COPB1: variants seen among roughly 807,000 people sequenced by gnomAD.
COPB1 encodes the protein coatomer subunit beta.
A neutral mutation model predicts 108.7 loss-of-function variants in COPB1; 21 were observed. That is an observed-to-expected ratio of 0.19 (90% CI 0.14 to 0.28). The LOEUF is 0.28. COPB1 is among the 10% of genes least tolerant of loss of function. COPB1 has a pLI of 1.00. For synonymous variants in COPB1, 378 were observed against 386.8 expected (o/e 0.98, Z 0.27); for missense variants, 919 against 1,141.3 (o/e 0.81, Z 2.81).
intron 20 of COPB1, 178 bp downstream of exon 20, chr11:14,460,030 G>A (rs1384483303): frequency 2.1e-6 from 1 of 481,044 alleles, no homozygotes; most frequent in Non-Finnish European, 3.7e-6. Context: ...AAAGTAGGAT[G>A]GTATAGTCCA....
At chr11:14,464,063 A>G (rs1051035949) in intron 18 of COPB1, among the ~76,000 whole-genome samples, 3 of 152,228 alleles carry the variant, frequency 2.0e-5, no homozygotes, top group Non-Finnish European at 2.9e-5. Flanking sequence ...TAACATCCTT[A>G]GCATGACAAG....
chr11:14,494,612 A>C, intron 2 of COPB1, 173 bp from the exon 3 acceptor site: 2 of 548,462 alleles, frequency 3.6e-6, no homozygotes. Context: ...CCACCAAATA[A>C]TCTGTCTTTG....
At chr11:14,458,128 G>GGA (rs1411071556) in intron 21 of COPB1, among the ~76,000 whole-genome samples, 1 of 122,140 alleles carries the variant, frequency 8.2e-6, no homozygotes, top group Non-Finnish European at 1.6e-5. Context: ...CACCCAGGTT[G>GGA]GAGTGAAATG....
chr11:14,485,775 G>GA (rs771518865), intron 7 of COPB1, among the ~76,000 whole-genome samples: 3 of 152,140 alleles, frequency 2.0e-5, no homozygotes, highest in Non-Finnish European at 4.4e-5. Flanking sequence ...TTAAACCCAG[G>GA]AGGTGGAGGA....
chr11:14,460,619 T>C (rs994553588), intron 19 of COPB1, among the ~76,000 whole-genome samples: 34 of 152,120 alleles, frequency 2.2e-4, no homozygotes, highest in African/African-American at 7.2e-4. Context: ...CATGTTCAAG[T>C]GATCCTCCCA....
intron 7 of COPB1, among the ~76,000 whole-genome samples, chr11:14,483,649 T>G (rs1850710197): frequency 6.6e-6 from 1 of 152,066 alleles, no homozygotes; most frequent in African/African-American, 2.4e-5. Flanking sequence ...ACAAAAAATG[T>G]GTAAAGTATT....
intron 7 of COPB1, among the ~76,000 whole-genome samples, chr11:14,483,497 T>C (rs1850706739): frequency 6.6e-6 from 1 of 152,084 alleles, no homozygotes; most frequent in Non-Finnish European, 1.5e-5. Flanking sequence ...AGGAAAAGAA[T>C]CCCAAGAAGT....
intron 14 of COPB1, among the ~76,000 whole-genome samples, chr11:14,472,791 C>T (rs1850436606): frequency 6.6e-6 from 1 of 152,160 alleles, no homozygotes; most frequent in South Asian, 2.1e-4. Context: ...ATGAATCAAC[C>T]TCTGCTAGCT....
chr11:14,457,621 A>T lies in COPB1; in HGVS notation c.*203T>A. The T allele has an allele frequency of 4.1e-6, 2 of 482,630 alleles. No individual in the cohort carries two copies. Among genetic ancestry groups the T allele is most frequent in the Non-Finnish European group, 7.6e-6 (2 of 263,070 alleles). 29.9% of individuals were successfully genotyped at this position (482,630 alleles called of 1,614,324 possible). ...ATGAAACATTATATACTTTGAGGACAGCATTCAGAACTGTTAAGACAAAAG... is the reference window on the plus strand; with the variant it reads ...ATGAAACATTATATACTTTGAGGACTGCATTCAGAACTGTTAAGACAAAAG... On this transcript the variant is annotated 3_prime_UTR_variant, in exon 22 of 22. Coordinates refer to ENST00000439561, the MANE Select transcript of COPB1 (RefSeq NM_001144061.2).
intron 19 of COPB1, among the ~76,000 whole-genome samples, chr11:14,460,659 A>T (rs1284458984): frequency 9.2e-5 from 14 of 151,804 alleles, no homozygotes; most frequent in Admixed American, 9.2e-4. Flanking sequence ...TGGGACTACC[A>T]CACCGGGCTA....
intron 17 of COPB1, 40 bp downstream of exon 17, chr11:14,466,242 C>T (rs1261789251): frequency 6.2e-7 from 1 of 1,600,424 alleles, no homozygotes; most frequent in Non-Finnish European, 8.5e-7. Flanking sequence ...TAAAGATCTA[C>T]TATGTGACAA....
intron 14 of COPB1, among the ~76,000 whole-genome samples, chr11:14,472,019 A>G (rs1291578856): frequency 6.6e-6 from 1 of 152,236 alleles, no homozygotes; most frequent in African/African-American, 2.4e-5. Context: ...AACCTGCTGT[A>G]TAGATAACCA....
At position 14,499,004 on chromosome 11, in the gene COPB1, A is replaced by G; in HGVS notation, c.-57-19T>C. 8.8e-7 allele frequency: 1 copy of G among 1,136,754 alleles called. No homozygotes were observed. Among genetic ancestry groups the G allele is most frequent in the Non-Finnish European group, 1.2e-6 (1 of 810,550 alleles). The allele number at this position is 1,136,754 out of a possible 1,614,324, so 70.4% of individuals were successfully genotyped here. ...AGAAAATCTAGAAAAATAAACACAG[A>G]CATATCATTACAAATTAAAAAAAAA... is the stretch of plus-strand genomic sequence containing the variant. On this transcript the variant is annotated intron_variant, in intron 1 of 21. Coordinates refer to ENST00000439561, the MANE Select transcript of COPB1 (RefSeq NM_001144061.2).
Position 14,493,884 on chromosome 11 carries a change from T to C in COPB1, c.322-73A>G, listed in dbSNP as rs577249624. On this transcript the variant is annotated intron_variant, in intron 3 of 21. Coordinates refer to ENST00000439561, the MANE Select transcript of COPB1 (RefSeq NM_001144061.2). ...AAAAGAAAATTTTAATGCAAAACTT[T>C]CCAATGGAAAAAAAATACGTTTGAG... 10 of 1,270,874 alleles carry C rather than the reference T, an allele frequency of 7.9e-6. No homozygotes were observed. In the South Asian group the frequency reaches 1.6e-4, roughly 20 times the overall value. The allele number at this position is 1,270,874 out of a possible 1,614,324, so 78.7% of individuals were successfully genotyped here. A position where few individuals can be genotyped will look rare whatever the true frequency, so the allele number is the denominator to read the frequency against.
intron 14 of COPB1, among the ~76,000 whole-genome samples, chr11:14,470,944 A>ACACACACACACACACTCT (rs1285522756): frequency 1.3e-3 from 121 of 90,166 alleles, no homozygotes; most frequent in African/African-American, 6.0e-3. Flanking sequence ...ACACACACAC[A>ACACACACACACACACTCT]CTCTCTCTCT....
intron 2 of COPB1, chr11:14,494,644 A>C: frequency 2.0e-6 from 1 of 492,400 alleles, no homozygotes; most frequent in South Asian, 3.1e-5. Context: ...TATCTCTGGA[A>C]ATCAGACTCT....
intron 7 of COPB1, 77 bp from the exon 8 acceptor site, chr11:14,483,228 C>CCA (rs3217599): frequency 0.039 from 19,661 of 502,598 alleles, 506 homozygotes; most frequent in African/African-American, 0.15. Context: ...CGCGCGCACA[C>CCA]CACACACACA....
At chr11:14,483,230 A>ACC in intron 7 of COPB1, 79 bp from the exon 8 acceptor site, 1 of 52,638 alleles carries the variant, frequency 1.9e-5, no homozygotes, top group South Asian at 5.7e-4. Flanking sequence ...CGCGCACACC[A>ACC]CACACACACA....
chr11:14,493,128 G>A lies in COPB1; in HGVS notation c.491+514C>T, dbSNP rs529790134. ...GCCACTGTGCTCCAGCCTGGGCAAC[G>A]AGAGTGGAACTCCATCTCAAAACAA... On this transcript the variant is annotated intron_variant, in intron 4 of 21. Coordinates refer to ENST00000439561, the MANE Select transcript of COPB1 (RefSeq NM_001144061.2). 2.4e-4 allele frequency among the ~76,000 whole-genome samples: 37 copies of A among 152,206 alleles called. No individual in the cohort carries two copies. The South Asian group carries it at 7.3e-3, about 30-fold the overall frequency.
Sources: allele counts gnomAD v4.1 joint callset (sites outside exome capture counted in the v4.1 genomes callset), GRCh38; gene constraint gnomAD v4.1.1; transcripts MANE v1.5; gene names NCBI Gene and HGNC (gene_info 2026-07-23, HGNC 2026-07-21).